Variants in LGALS8 observed in about 807,000 individuals in gnomAD.
LGALS8 encodes the protein galectin-8.
Under a neutral mutation model 35.9 loss-of-function variants are expected in LGALS8, and 30 were observed. The ratio of observed to expected loss-of-function variants is 0.83; its 90% confidence interval spans 0.62 to 1.13. The LOEUF (loss-of-function observed/expected upper bound fraction) is 1.13, where lower values mean the gene tolerates loss of function less well. Ranked by LOEUF, LGALS8 falls within the 50% of genes most tolerant of loss-of-function variation. The probability of loss-of-function intolerance (pLI) is 0.00; values close to 1 mark genes in which losing one functional copy is unlikely to be tolerated. For synonymous variants in LGALS8, 138 were observed against 136.1 expected (o/e 1.01, Z -0.10); for missense variants, 366 against 388.7 (o/e 0.94, Z 0.49).
At chr1:236,523,968 A>G, upstream of LGALS8, 1 of 379,800 alleles carries the variant, frequency 2.6e-6, no homozygotes, top group South Asian at 1.9e-5. Context: ...CGCTTCCCGT[A>G]GCCGCCCACG....
Position 236,548,517 on chromosome 1 carries a change from G to A in LGALS8, c.*356G>A, listed in dbSNP as rs947163953. On this transcript the variant is annotated 3_prime_UTR_variant, in exon 10 of 10. Transcript: ENST00000366584. Reference sequence around the variant, plus strand: ...TTTTTGGTAAAACTGTGAAGAGCTAGGATATATACTTGGTGAAACAAACCA... The same window carrying A: ...TTTTTGGTAAAACTGTGAAGAGCTAAGATATATACTTGGTGAAACAAACCA... 1.1e-5 allele frequency: 3 copies of A among 262,210 alleles called. No homozygotes were observed. Among genetic ancestry groups the A allele is most frequent in the Non-Finnish European group, 2.2e-5 (3 of 139,182 alleles). The allele number at this position is 262,210 out of a possible 1,614,324, so 16.2% of individuals were successfully genotyped here.
Position 236,538,916 on chromosome 1 carries a change from CCT to C in LGALS8, c.174_175del (p.Arg59SerfsTer25). ...TCTGCAGAATGGCAGCAGCATGAAA[CCT>C]CGAGCCGATGTGGCCTTTCATTTCA... ...VDLQNGSSMK[P>X]RADVAFHFNP... On this transcript the variant is annotated frameshift_variant, in exon 4 of 10. Transcript: ENST00000366584. LOFTEE classifies it high-confidence loss of function. 1 of 1,613,410 alleles carries C rather than the reference CCT, an allele frequency of 6.2e-7. No individual in the cohort carries two copies. Among genetic ancestry groups the C allele is most frequent in the Non-Finnish European group, 8.5e-7 (1 of 1,179,980 alleles).
intron 1 of LGALS8, chr1:236,524,496 C>T (rs1218176796): frequency 4.5e-6 from 2 of 449,186 alleles, no homozygotes; most frequent in Non-Finnish European, 4.5e-6. Flanking sequence ...GAGTGACCTC[C>T]ATTGCGTTCC....
In LGALS8 at chr1:236,550,995, A is replaced by G. The variant is rs746324674; in HGVS notation, c.*2834A>G. ...GTTCTACTTCTTCACATTCATCTAA[A>G]AAAAAAAAAAAAAAATCAAAATTAA... On this transcript the variant is annotated 3_prime_UTR_variant, in exon 10 of 10. Transcript: ENST00000366584. 5.4e-6 allele frequency: 8 copies of G among 1,468,640 alleles called. No homozygotes were observed. In the East Asian group the frequency reaches 2.0e-4, roughly 36 times the overall value. 91.0% of individuals were successfully genotyped at this position (1,468,640 alleles called of 1,614,324 possible). A position where few individuals can be genotyped will look rare whatever the true frequency, so the allele number is the denominator to read the frequency against.
rs1328843355 is a variant in LGALS8, at chr1:236,540,558, C to T, written c.346-6C>T. 1.0e-5 allele frequency: 16 copies of T among 1,592,026 alleles called. No individual in the cohort carries two copies. The highest frequency in any genetic ancestry group is 1.3e-5 in the Non-Finnish European group (15 of 1,170,086). ...GGGGGGGGCTCTGTCTTCTGTATCT[C>T]TCTAGGTGGCTGTAAATGGAAAACA... On this transcript the variant is annotated splice_region_variant and splice_polypyrimidine_tract_variant and intron_variant, in intron 4 of 9. Transcript: ENST00000366584.
upstream of LGALS8, chr1:236,523,194 T>C (rs1460527762): frequency 3.3e-5 from 5 of 152,320 alleles, no homozygotes; most frequent in South Asian, 8.3e-4. Context: ...GAGCATCTAA[T>C]AGGCACAGAA....
chr1:236,538,754 T>C, intron 3 of LGALS8, 125 bp from the exon 4 acceptor site: 1 of 691,346 alleles, frequency 1.4e-6, no homozygotes. Flanking sequence ...GGCCTCATAG[T>C]GAATGAATGA....
upstream of LGALS8, among the ~76,000 whole-genome samples, chr1:236,521,978 G>GT (rs1660564109): frequency 6.6e-6 from 1 of 152,194 alleles, no homozygotes. Flanking sequence ...CAGTAATAAT[G>GT]TAAGAGATGT....
intron 9 of LGALS8, among the ~76,000 whole-genome samples, chr1:236,546,989 C>A (rs1662403616): frequency 1.4e-5 from 2 of 147,048 alleles, no homozygotes; most frequent in Non-Finnish European, 3.0e-5. Context: ...CCTGATTTTC[C>A]TTGACAGTCC....
At chr1:236,541,058 A>AT (rs1430038485) in intron 5 of LGALS8, among the ~76,000 whole-genome samples, 1 of 152,236 alleles carries the variant, frequency 6.6e-6, no homozygotes, top group African/African-American at 2.4e-5. Flanking sequence ...TGAACCACAT[A>AT]TACAACCGTG....
chr1:236,527,722 T>C (rs1028939792), intron 2 of LGALS8, among the ~76,000 whole-genome samples: 8 of 150,974 alleles, frequency 5.3e-5, no homozygotes, highest in African/African-American at 2.0e-4. Flanking sequence ...TTATTTTATT[T>C]ATTCAATTAA....
chr1:236,525,179 C>T (rs966654820), intron 1 of LGALS8, among the ~76,000 whole-genome samples: 1 of 152,092 alleles, frequency 6.6e-6, no homozygotes, highest in Non-Finnish European at 1.5e-5. Flanking sequence ...TTGGATTTTT[C>T]CCTACTTTGA....
At chr1:236,537,142 G>A (rs867437468) in intron 2 of LGALS8, among the ~76,000 whole-genome samples, 15 of 150,660 alleles carry the variant, frequency 1.0e-4, no homozygotes, top group African/African-American at 3.2e-4. Context: ...TCAGCCTCCC[G>A]AGTAGCTGGG....
intron 2 of LGALS8, among the ~76,000 whole-genome samples, chr1:236,531,274 T>C (rs1661125077): frequency 1.3e-5 from 2 of 152,170 alleles, no homozygotes; most frequent in South Asian, 4.2e-4. Context: ...AAAAGTGGAA[T>C]CACTAGGTCA....
At position 236,548,228 on chromosome 1, in the gene LGALS8, A is replaced by T; in HGVS notation, c.*67A>T. The T allele has an allele frequency of 7.4e-7, 1 of 1,343,024 alleles. No individual in the cohort carries two copies. The highest frequency in any genetic ancestry group is 1.3e-5 in the South Asian group (1 of 78,396). The allele number at this position is 1,343,024 out of a possible 1,614,324, so 83.2% of individuals were successfully genotyped here. A position where few individuals can be genotyped will look rare whatever the true frequency, so the allele number is the denominator to read the frequency against. ...CTTCTGTGATACTGGCCTTGCTGAA[A>T]CGCATCTCACTGTCATTCTATTGTT... On this transcript the variant is annotated 3_prime_UTR_variant, in exon 10 of 10. Coordinates refer to ENST00000366584, the MANE Select transcript of LGALS8 (RefSeq NM_201544.4).
Position 236,550,992 on chromosome 1 carries a change from T to TAAAAAAAAAAAAAA in LGALS8, c.*2836_*2849dup, listed in dbSNP as rs55866014. On this transcript the variant is annotated 3_prime_UTR_variant, in exon 10 of 10. Coordinates refer to ENST00000366584, the MANE Select transcript of LGALS8 (RefSeq NM_201544.4). The stretch of plus-strand genomic sequence containing the variant: ...GATGTTCTACTTCTTCACATTCATC[T>TAAAAAAAAAAAAAA]AAAAAAAAAAAAAAAAAATCAAAAT... The TAAAAAAAAAAAAAA allele has an allele frequency of 1.6e-6, 2 of 1,255,700 alleles. No individual in the cohort carries two copies. The highest frequency in any genetic ancestry group is 1.1e-6 in the Non-Finnish European group (1 of 934,636). The allele number at this position is 1,255,700 out of a possible 1,614,324, so 77.8% of individuals were successfully genotyped here.
chr1:236,528,084 T>C (rs1236644268), intron 2 of LGALS8, among the ~76,000 whole-genome samples: 2 of 152,020 alleles, frequency 1.3e-5, no homozygotes, highest in African/African-American at 2.4e-5. Flanking sequence ...TAAGCTAGAC[T>C]TAGGAAAACG....
At chr1:236,535,588 A>T (rs1451979185) in intron 2 of LGALS8, among the ~76,000 whole-genome samples, 3 of 152,192 alleles carry the variant, frequency 2.0e-5, no homozygotes, top group Admixed American at 2.0e-4. Flanking sequence ...CTGCTGCTAT[A>T]TATTCTTGGA....
intron 9 of LGALS8, among the ~76,000 whole-genome samples, chr1:236,547,238 G>C (rs568782525): frequency 1.3e-5 from 2 of 152,340 alleles, no homozygotes; most frequent in Admixed American, 6.5e-5. Flanking sequence ...CGTGGCACCA[G>C]AAGTATGAAG....
Sources: gnomAD v4.1 joint callset for allele counts (sites outside exome capture counted in the v4.1 genomes callset) on GRCh38, gnomAD v4.1.1 for gene constraint, MANE v1.5 for transcripts, NCBI Gene and HGNC (gene_info 2026-07-23, HGNC 2026-07-21) for gene names.